The following JOSD2 variants were observed in gnomAD, a reference collection of about 807,000 sequenced individuals.
JOSD2 encodes the protein Josephin domain containing 2, also known as josephin-2.
JOSD2 carries 20 observed loss-of-function variants against 19.3 expected under a neutral mutation model. The ratio of observed to expected loss-of-function variants is 1.04; its 90% CI spans 0.73 to 1.51. The LOEUF (loss-of-function observed/expected upper bound fraction) is 1.51, where lower values mean the gene tolerates loss of function less well. Ranked by LOEUF, JOSD2 falls within the 40% of genes most tolerant of loss-of-function variation. The pLI is 0.00. For synonymous variants in JOSD2, 118 were observed against 123.7 expected (o/e 0.95, Z 0.31); for missense variants, 215 against 250.4 (o/e 0.86, Z 0.95).
chr19:50,506,691 T>C, intron 3 of JOSD2, 119 bp from the exon 4 acceptor site: 1 of 892,428 alleles, frequency 1.1e-6, no homozygotes, highest in Non-Finnish European at 1.6e-6. Flanking sequence ...CACCCAGAGG[T>C]GTTCCTTAAT....
In JOSD2 at chr19:50,506,414, C is replaced by A; in HGVS notation, c.431G>T (p.Arg144Leu). The A allele has an allele frequency of 1.2e-6, 2 of 1,605,664 alleles. No individual in the cohort carries two copies. The highest frequency in any genetic ancestry group is 8.5e-7 in the Non-Finnish European group (1 of 1,176,818). Reference protein sequence around the residue: ...GVYYNLDSKLRAPEALGDEDG... With the variant: ...GVYYNLDSKLLAPEALGDEDG... The stretch of plus-strand genomic sequence containing the variant: ...CTCATCCCCCAGGGCCTCGGGCGCC[C>A]GCAGCTTGGAGTCCAGGTTGTAGTA... The change falls in exon 4 of 5, where the codon CGG (arginine) becomes CTG (leucine). Residue 144 changes from arginine to leucine, a missense_variant. Physicochemically the swap from Arg to Leu is moderately radical, Grantham distance 102. Transcript: ENST00000598418.
At chr19:50,510,964 C>A (rs1282357474) in intron 1 of JOSD2, 153 bp downstream of exon 1, 2 of 391,112 alleles carry the variant, frequency 5.1e-6, no homozygotes, top group Non-Finnish European at 1.0e-5. Context: ...TGTCACCTGG[C>A]AACGGGGCCC....
At chr19:50,510,758 T>C (rs1296241714) in intron 1 of JOSD2, among the ~76,000 whole-genome samples, 1 of 151,978 alleles carries the variant, frequency 6.6e-6, no homozygotes. Context: ...TCCCCGTCCC[T>C]AGGTAACCAG....
intron 2 of JOSD2, among the ~76,000 whole-genome samples, chr19:50,509,123 T>TTG (rs1979571554): frequency 6.7e-6 from 1 of 148,446 alleles, no homozygotes. Flanking sequence ...TTTTTTTTTT[T>TTG]GAGACAGTCT....
At chr19:50,507,786 T>C in intron 2 of JOSD2, 87 bp from the exon 3 acceptor site, 1 of 1,512,860 alleles carries the variant, frequency 6.6e-7, no homozygotes, top group Non-Finnish European at 8.9e-7. Context: ...ACAAGTTGCC[T>C]CAGCCTTTGA....
At chr19:50,506,309 G>A in intron 4 of JOSD2, 37 bp from the exon 5 acceptor site, 2 of 1,610,760 alleles carry the variant, frequency 1.2e-6, no homozygotes, top group Non-Finnish European at 1.7e-6. Context: ...GGCTCGGCCA[G>A]CCTGGGCATT....
At chr19:50,507,812 A>G in intron 2 of JOSD2, 113 bp from the exon 3 acceptor site, 1 of 1,315,336 alleles carries the variant, frequency 7.6e-7, no homozygotes, top group South Asian at 1.4e-5. Context: ...CCCGCTTCAG[A>G]CCCCACAACT....
Position 50,506,074 on chromosome 19 carries a change from C to A in JOSD2, c.*99G>T, listed in dbSNP as rs558604674. On this transcript the variant is annotated 3_prime_UTR_variant, in exon 5 of 5. Coordinates refer to ENST00000598418, the MANE Select transcript of JOSD2 (RefSeq NM_001270639.2). ...GTGTGGGGAGGGGGCGGGGCCTCCCCAGGGTCCATGAAGTGCTGGCCTTTC... is the reference window on the plus strand; with the variant it reads ...GTGTGGGGAGGGGGCGGGGCCTCCCAAGGGTCCATGAAGTGCTGGCCTTTC... 4.3e-6 allele frequency: 5 copies of A among 1,174,532 alleles called. No homozygotes were observed. In the African/African-American group the frequency reaches 7.6e-5, roughly 18 times the overall value. The allele number at this position is 1,174,532 out of a possible 1,614,324, so 72.8% of individuals were successfully genotyped here.
At chr19:50,510,221 G>A (rs1568703545) in intron 2 of JOSD2, 65 bp downstream of exon 2, 8 of 1,604,938 alleles carry the variant, frequency 5.0e-6, no homozygotes, top group Non-Finnish European at 6.0e-6. Flanking sequence ...GCCTGGCGGC[G>A]AGACCCAGGT....
At chr19:50,510,190 A>G in intron 2 of JOSD2, 96 bp downstream of exon 2, 1 of 1,472,084 alleles carries the variant, frequency 6.8e-7, no homozygotes, top group East Asian at 2.3e-5. Flanking sequence ...AGCAGAAGAA[A>G]GCCCCCAAGG....
intron 2 of JOSD2, chr19:50,507,983 C>A: frequency 2.0e-6 from 1 of 497,022 alleles, no homozygotes; most frequent in South Asian, 2.0e-5. Flanking sequence ...CTGCCCTGTC[C>A]CCAAGTCCTG....
chr19:50,508,410 T>TGCTG (rs1979515348), intron 2 of JOSD2, among the ~76,000 whole-genome samples: 2 of 152,252 alleles, frequency 1.3e-5, no homozygotes, highest in East Asian at 3.9e-4. Flanking sequence ...CAGCCCACTC[T>TGCTG]GCTGCCTCAT....
chr19:50,507,442 A>G, intron 3 of JOSD2, 132 bp downstream of exon 3: 2 of 1,267,750 alleles, frequency 1.6e-6, no homozygotes, highest in South Asian at 2.9e-5. Flanking sequence ...CTTTCAACCC[A>G]TCAGTGCCAG....
At chr19:50,510,150 C>T (rs1979683263) in intron 2 of JOSD2, 136 bp downstream of exon 2, 3 of 1,032,480 alleles carry the variant, frequency 2.9e-6, no homozygotes, top group Non-Finnish European at 4.2e-6. Flanking sequence ...CCCCAGAGTC[C>T]CAGCGTCTAG....
In JOSD2 at chr19:50,506,481, G is replaced by A. The variant is rs201995744; in HGVS notation, c.364C>T (p.Arg122Cys). Residue 122 changes from arginine (R) to cysteine (C), a missense_variant, in exon 4 of 5, where the codon CGC becomes TGC. Coordinates refer to ENST00000598418, the MANE Select transcript of JOSD2 (RefSeq NM_001270639.2). The part of the protein sequence containing the change: ...VSLGLLSLPL[R>C]RRHWVALRQV... ...CGCAGGGCCACCCAGTGCCGCCGGC[G>A]CAGCGGCAGTGACAGCAGCCCCAGC... 28 of 1,571,794 alleles carry A rather than the reference G, an allele frequency of 1.8e-5. No individual in the cohort carries two copies. The highest frequency in any genetic ancestry group is 1.5e-4 in the Admixed American group (8 of 53,666).
chr19:50,508,658 A>T (rs1979532955), intron 2 of JOSD2, among the ~76,000 whole-genome samples: 1 of 148,362 alleles, frequency 6.7e-6, no homozygotes, highest in Non-Finnish European at 1.5e-5. Context: ...TCTGTTCCCT[A>T]TCTGGACCCT....
chr19:50,510,009 G>A lies in JOSD2; in HGVS notation c.146+277C>T, dbSNP rs147946148. The A allele has an allele frequency of 1.9e-3, 588 of 307,712 alleles. 5 individuals are homozygous for A. Among genetic ancestry groups the A allele is most frequent in the African/African-American group, 0.015 (548 of 36,322 alleles). The allele number at this position is 307,712 out of a possible 1,614,324, so 19.1% of individuals were successfully genotyped here. On this transcript the variant is annotated intron_variant, in intron 2 of 4. Coordinates refer to ENST00000598418, the MANE Select transcript of JOSD2 (RefSeq NM_001270639.2). Reference sequence around the variant, plus strand: ...CCGAGCTCGCAGTGAGCGAGATCGCGCAACTGCACTCCAGCCTGGGCAACA... The same window carrying A: ...CCGAGCTCGCAGTGAGCGAGATCGCACAACTGCACTCCAGCCTGGGCAACA...
At chr19:50,507,157 G>A (rs1161903497) in intron 3 of JOSD2, among the ~76,000 whole-genome samples, 1 of 104,424 alleles carries the variant, frequency 9.6e-6, no homozygotes, top group Non-Finnish European at 1.9e-5. Flanking sequence ...TCACCCAACA[G>A]TGGACTCGCC....
chr19:50,509,780 G>A (rs534909411), intron 2 of JOSD2, among the ~76,000 whole-genome samples: 1 of 151,912 alleles, frequency 6.6e-6, no homozygotes, highest in African/African-American at 2.4e-5. Context: ...TGGGCCGGGT[G>A]CAGTGGCTCA....
Sources: gnomAD v4.1 joint callset for allele counts (sites outside exome capture counted in the v4.1 genomes callset) on GRCh38, gnomAD v4.1.1 for gene constraint, MANE v1.5 for transcripts, NCBI Gene and HGNC (gene_info 2026-07-23, HGNC 2026-07-21) for gene names.